Variants in DNAH6 observed in about 807,000 individuals in gnomAD.
DNAH6 encodes axonemal beta dynein heavy chain 6.
In DNAH6, 340 loss-of-function variants were observed where a neutral mutation model predicts 491.4. The observed-to-expected ratio is 0.69, with a 90% confidence interval of 0.63 to 0.76. The LOEUF is 0.76. DNAH6 is among the 30% of genes least tolerant of loss of function. The probability of loss-of-function intolerance (pLI) is 0.00; values close to 1 mark genes in which losing one functional copy is unlikely to be tolerated. For missense variants in DNAH6, 4,443 were observed against 4,972.2 expected (o/e 0.89, Z 3.20); for synonymous variants, 1,603 against 1,686.1 (o/e 0.95, Z 1.21).
At chr2:84,654,562 T>C in intron 34 of DNAH6, 98 bp from the exon 35 acceptor site, 1 of 1,469,562 alleles carries the variant, frequency 6.8e-7, no homozygotes, top group South Asian at 1.3e-5. Flanking sequence ...TTGTTAGACT[T>C]TAAAAGTGTG....
In DNAH6 at chr2:84,815,857, T is replaced by C. The variant is rs970492586; in HGVS notation, c.12151-4T>C. On this transcript the variant is annotated splice_polypyrimidine_tract_variant and splice_region_variant and intron_variant, in intron 75 of 76. Coordinates refer to ENST00000389394, the MANE Select transcript of DNAH6 (RefSeq NM_001370.2). The stretch of plus-strand genomic sequence containing the variant: ...TCACTTTGAGACTTGTGGGTATCTT[T>C]CAGTTGCCCTCTCCTGAGGATGGTG... The C allele has an allele frequency of 6.5e-7, 1 of 1,546,578 alleles. No homozygotes were observed. The highest frequency in any genetic ancestry group is 1.4e-5 in the African/African-American group (1 of 72,894).
chr2:84,632,338 C>T (rs573449420), intron 29 of DNAH6, among the ~76,000 whole-genome samples: 11 of 152,142 alleles, frequency 7.2e-5, no homozygotes, highest in Non-Finnish European at 1.6e-4. Context: ...CGTGTCAGGG[C>T]TGGATTTCAA....
intron 11 of DNAH6, among the ~76,000 whole-genome samples, chr2:84,564,899 G>A (rs1047994099): frequency 3.9e-5 from 6 of 152,120 alleles, no homozygotes; most frequent in Admixed American, 3.3e-4. Context: ...TTATCATGAA[G>A]GGATGTTGGA....
chr2:84,759,543 G>A (rs1674369114), intron 63 of DNAH6, among the ~76,000 whole-genome samples: 1 of 151,460 alleles, frequency 6.6e-6, no homozygotes, highest in African/African-American at 2.4e-5. Context: ...CCAATACCTA[G>A]GAATATATTT....
the DNAH6 span, among the ~76,000 whole-genome samples, chr2:84,503,910 G>C: frequency 5.9e-5 from 9 of 152,114 alleles, no homozygotes; most frequent in East Asian, 7.7e-4. Flanking sequence ...TAGGTGTACT[G>C]TAACATTCTT....
At chr2:84,721,958 T>A (rs1698204965) in intron 59 of DNAH6, among the ~76,000 whole-genome samples, 1 of 152,106 alleles carries the variant, frequency 6.6e-6, no homozygotes, top group South Asian at 2.1e-4. Flanking sequence ...AGAGAGAGAC[T>A]GAGAGACATA....
At chr2:84,768,726 G>C (rs543313035) in intron 64 of DNAH6, among the ~76,000 whole-genome samples, 1 of 152,104 alleles carries the variant, frequency 6.6e-6, no homozygotes, top group Admixed American at 6.5e-5. Context: ...TTAAGTGGAA[G>C]ACTCAATATT....
At chr2:84,614,139 G>A (rs1686600971) in intron 22 of DNAH6, among the ~76,000 whole-genome samples, 1 of 138,748 alleles carries the variant, frequency 7.2e-6, no homozygotes, top group Non-Finnish European at 1.5e-5. Flanking sequence ...CCCGCACAGT[G>A]TACTGTACCC....
Position 84,762,902 on chromosome 2 carries a change from G to T in DNAH6, c.10660G>T (p.Gly3554Cys). 1 of 1,551,506 alleles carries T rather than the reference G, an allele frequency of 6.4e-7. No individual in the cohort carries two copies. Among genetic ancestry groups the T allele is most frequent in the Non-Finnish European group, 8.7e-7 (1 of 1,146,854 alleles). ...CCTAAGCACAGGCTCAGATCCCATG[G>T]GTGCATTTCAGAGGTTTGCCAGGGA... ...FILSTGSDPM[G>C]AFQRFARESG... is the part of the protein sequence containing the mutation. The change falls in exon 64 of 77, where the codon GGT becomes TGT. Residue 3554 changes from glycine (G) to cysteine (C), a missense_variant. Gly to Cys is a radical substitution (Grantham distance 159, BLOSUM62 -3). Transcript: ENST00000389394.
At chr2:84,550,547 A>G (rs1416184232) in intron 9 of DNAH6, among the ~76,000 whole-genome samples, 3 of 152,210 alleles carry the variant, frequency 2.0e-5, no homozygotes, top group Non-Finnish European at 4.4e-5. Flanking sequence ...GAAATGGCAG[A>G]CTGAAAATCA....
chr2:84,505,335 T>G, the DNAH6 span, among the ~76,000 whole-genome samples: 27 of 152,292 alleles, frequency 1.8e-4, no homozygotes, highest in East Asian at 3.9e-4. Flanking sequence ...TGGATACATT[T>G]TATCTCCTTT....
the DNAH6 span, among the ~76,000 whole-genome samples, chr2:84,507,309 T>C: frequency 6.6e-6 from 1 of 152,348 alleles, no homozygotes; most frequent in East Asian, 1.9e-4. Context: ...TTCCTAGGTA[T>C]TTTATTCTCT....
intron 63 of DNAH6, among the ~76,000 whole-genome samples, chr2:84,759,632 GA>G (rs1204834704): frequency 6.6e-6 from 1 of 151,988 alleles, no homozygotes; most frequent in African/African-American, 2.4e-5. Context: ...GAAATAAATG[GA>G]AAAACATCTG....
At chr2:84,717,213 T>C (rs1697623683) in intron 58 of DNAH6, among the ~76,000 whole-genome samples, 1 of 152,216 alleles carries the variant, frequency 6.6e-6, no homozygotes, top group Admixed American at 6.5e-5. Flanking sequence ...GATTCTTAAC[T>C]TGATTAATTT....
At chr2:84,559,252 G>A (rs187726072) in intron 11 of DNAH6, among the ~76,000 whole-genome samples, 10 of 152,264 alleles carry the variant, frequency 6.6e-5, no homozygotes, top group Non-Finnish European at 1.3e-4. Context: ...CTACAGGAAG[G>A]AGGCCTAAAA....
chr2:84,488,400 A>ATAAAAAAAT, the DNAH6 span, among the ~76,000 whole-genome samples: 1 of 140,910 alleles, frequency 7.1e-6, no homozygotes, highest in Non-Finnish European at 1.6e-5. Context: ...AAATAAAAAA[A>ATAAAAAAAT]TAAAAAAATT....
intron 59 of DNAH6, among the ~76,000 whole-genome samples, chr2:84,721,231 A>C (rs1202079912): frequency 6.6e-6 from 1 of 152,216 alleles, no homozygotes; most frequent in Non-Finnish European, 1.5e-5. Flanking sequence ...GTGGGCCTAC[A>C]TGATCCACCA....
At chr2:84,592,434 A>C (rs142786311) in intron 16 of DNAH6, among the ~76,000 whole-genome samples, 1 of 152,176 alleles carries the variant, frequency 6.6e-6, no homozygotes, top group Non-Finnish European at 1.5e-5. Context: ...TACAAAAATA[A>C]AATGAATTAC....
chr2:84,665,194 G>C (rs375862536), intron 37 of DNAH6, among the ~76,000 whole-genome samples: 1 of 152,050 alleles, frequency 6.6e-6, no homozygotes, highest in Non-Finnish European at 1.5e-5. Context: ...AAGAACTAGA[G>C]AAGCAAGAGC....
Sources: allele counts gnomAD v4.1 joint callset (sites outside exome capture counted in the v4.1 genomes callset), GRCh38; gene constraint gnomAD v4.1.1; transcripts MANE v1.5; gene names NCBI Gene and HGNC (gene_info 2026-07-23, HGNC 2026-07-21).